Variants in TMEM130 observed in about 807,000 individuals in gnomAD.
The protein encoded by TMEM130 is transmembrane protein 130.
A neutral mutation model predicts 42.9 loss-of-function variants in TMEM130; 37 were observed. That is an observed-to-expected ratio of 0.86 (90% CI 0.66 to 1.13). TMEM130 has a LOEUF of 1.13. Among genes scored for constraint, TMEM130 ranks in the 50% most tolerant of loss-of-function variants. The probability of loss-of-function intolerance (pLI) is 0.00; values close to 1 mark genes in which losing one functional copy is unlikely to be tolerated. For synonymous variants in TMEM130, 259 were observed against 237.7 expected, an observed-to-expected ratio of 1.09 and a Z score of -0.82; for missense variants, 545 against 562.6, an observed-to-expected ratio of 0.97 and a Z score of 0.32.
rs1554399612 is a variant in TMEM130, at chr7:98,860,293, G to A, written c.437C>T (p.Pro146Leu). 1.2e-6 allele frequency: 2 copies of A among 1,612,468 alleles called. No individual in the cohort carries two copies. The highest frequency in any genetic ancestry group is 1.7e-6 in the Non-Finnish European group (2 of 1,179,080). Residue 146 changes from proline (P) to leucine (L), a missense_variant, in exon 3 of 8, where the codon CCC (proline) becomes CTC (leucine). Physicochemically the swap from Pro to Leu is moderately conservative, Grantham distance 98. Coordinates refer to ENST00000339375, the MANE Select transcript of TMEM130 (RefSeq NM_152913.3). ...DLVVTQNTSL[P>L]WPSSYLTKTV... ...CTTAGTGAGATAGGAGCTGGGCCAG[G>A]GTAGGGAAGTGTTCTGGGTGACAAC...
chr7:98,849,001 G>T (rs943046615), intron 6 of TMEM130, among the ~76,000 whole-genome samples: 1 of 152,124 alleles, frequency 6.6e-6, no homozygotes, highest in South Asian at 2.1e-4. Flanking sequence ...AGCTCCTAGT[G>T]TACAGCAGAT....
rs200706953 is a variant in TMEM130 at position 98,863,225 on chromosome 7, C to T, written c.261G>A (p.Lys87=). The T allele has an allele frequency of 6.2e-7, 1 of 1,614,144 alleles. No individual in the cohort carries two copies. Residue 87 remains lysine, a synonymous_variant, in exon 2 of 8, where the codon AAG becomes AAA. Transcript: ENST00000339375. ...TPLVLTGKME[K]GLSSTIRVVG... ...CCACACGGATGGTGGAGCTGAGACC[C>T]TTCTCCATCTTGCCAGTAAGCACCA...
intron 3 of TMEM130, among the ~76,000 whole-genome samples, chr7:98,856,915 TTTTA>T (rs2116094372): frequency 6.6e-6 from 1 of 152,216 alleles, no homozygotes; most frequent in African/African-American, 2.4e-5. Flanking sequence ...TCCCTTTTTT[TTTTA>T]TTTTTTATTT....
intron 6 of TMEM130, among the ~76,000 whole-genome samples, chr7:98,850,743 A>T (rs1439453990): frequency 2.6e-5 from 4 of 152,068 alleles, no homozygotes; most frequent in Non-Finnish European, 1.5e-5. Flanking sequence ...TCTCCCTGCA[A>T]GACTCACTAC....
intron 2 of TMEM130, among the ~76,000 whole-genome samples, chr7:98,861,928 A>G (rs996975830): frequency 6.6e-6 from 1 of 152,180 alleles, no homozygotes; most frequent in Non-Finnish European, 1.5e-5. Flanking sequence ...GGGTTAGACA[A>G]TTCTGTGCTT....
Position 98,848,576 on chromosome 7 carries a change from T to G in TMEM130, c.1119+7A>C. The G allele has an allele frequency of 2.5e-6, 4 of 1,591,274 alleles. No homozygotes were observed. The highest frequency in any genetic ancestry group is 3.5e-6 in the Non-Finnish European group (4 of 1,159,330). On this transcript the variant is annotated splice_region_variant and intron_variant, in intron 7 of 7. Transcript: ENST00000339375. ...GTAGTCCAGCCCCCACCCCACTGAG[T>G]ACCCACCTCCACCATGTCCTTTTGC...
chr7:98,863,501 A>G, intron 1 of TMEM130, 101 bp from the exon 2 acceptor site: 1 of 1,230,486 alleles, frequency 8.1e-7, no homozygotes, highest in Non-Finnish European at 1.1e-6. Context: ...TCCCAGGTGG[A>G]GAAACTGAGG....
chr7:98,869,773 T>C lies in TMEM130; in HGVS notation c.85+4A>G. 3 of 1,401,294 alleles carry C rather than the reference T, an allele frequency of 2.1e-6. No individual in the cohort carries two copies. The highest frequency in any genetic ancestry group is 1.5e-5 in the African/African-American group (1 of 66,586). 86.8% of individuals were successfully genotyped at this position (1,401,294 alleles called of 1,614,324 possible). A position where few individuals can be genotyped will look rare whatever the true frequency, so the allele number is the denominator to read the frequency against. ...CAGGGAGGCCGGATTGCCCAGCGCC[T>C]TACCTGCGGCCACCCCTGCCGGGGC... On this transcript the variant is annotated splice_donor_region_variant and intron_variant, in intron 1 of 7. Transcript: ENST00000339375. The surrounding 1 kb of genome is among the most constrained non-coding windows in gnomAD (Gnocchi z 4.7).
At chr7:98,862,925 T>C (rs2116122315) in intron 2 of TMEM130, among the ~76,000 whole-genome samples, 170 bp downstream of exon 2, 1 of 152,250 alleles carries the variant, frequency 6.6e-6, no homozygotes, top group South Asian at 2.1e-4. Flanking sequence ...GGGCAATCAC[T>C]GCCATTTTCA....
At chr7:98,855,943 A>G (rs1794621446) in intron 4 of TMEM130, 74 bp downstream of exon 4, 1 of 1,531,052 alleles carries the variant, frequency 6.5e-7, no homozygotes, top group Middle Eastern at 2.3e-4. Context: ...TCCAGCCCAG[A>G]GCCACTGTGA....
chr7:98,869,803 G>T lies in TMEM130; in HGVS notation c.59C>A (p.Pro20His). 6.9e-7 allele frequency: 1 copy of T among 1,442,932 alleles called. No individual in the cohort carries two copies. The allele number at this position is 1,442,932 out of a possible 1,614,324, so 89.4% of individuals were successfully genotyped here. Reference sequence around the variant, plus strand: ...TGCGGCCACCCCTGCCGGGGCCCAGGGCAGGAGGCAGGCAAGCCAGAGGAT... The same window carrying T: ...TGCGGCCACCCCTGCCGGGGCCCAGTGCAGGAGGCAGGCAAGCCAGAGGAT... The part of the protein sequence containing the change: ...GRILWLACLL[P>H]WAPAGVAAGL... Residue 20 changes from proline to histidine, a missense_variant, in exon 1 of 8, where the codon CCC becomes CAC. Pro to His is a moderately conservative substitution (Grantham distance 77). Coordinates refer to ENST00000339375, the MANE Select transcript of TMEM130 (RefSeq NM_152913.3). The surrounding 1 kb of genome is among the most constrained non-coding windows in gnomAD (Gnocchi z 4.7).
chr7:98,860,120 G>A (rs1012581632), intron 3 of TMEM130, 59 bp downstream of exon 3: 1 of 1,541,194 alleles, frequency 6.5e-7, no homozygotes, highest in Non-Finnish European at 8.8e-7. Context: ...CCTGCACAGT[G>A]CGCGGGACAG....
At chr7:98,864,812 A>T (rs1271965295) in intron 1 of TMEM130, among the ~76,000 whole-genome samples, 2 of 152,188 alleles carry the variant, frequency 1.3e-5, no homozygotes, top group African/African-American at 4.8e-5. Context: ...AGGCAGGGGA[A>T]TCGCTGGAAC....
At chr7:98,860,363 G>A in intron 2 of TMEM130, 25 bp from the exon 3 acceptor site, 1 of 1,569,276 alleles carries the variant, frequency 6.4e-7, no homozygotes, top group Non-Finnish European at 8.7e-7. Context: ...GACACGGGAG[G>A]GTGAGTCTTG....
chr7:98,855,453 CT>C (rs1794608337), intron 4 of TMEM130, 129 bp from the exon 5 acceptor site: 2 of 801,582 alleles, frequency 2.5e-6, no homozygotes, highest in African/African-American at 3.5e-5. Flanking sequence ...GGCCACAGGT[CT>C]GTGCGGGGTT....
intron 2 of TMEM130, among the ~76,000 whole-genome samples, chr7:98,861,377 G>A (rs1237673175): frequency 1.3e-5 from 2 of 151,704 alleles, no homozygotes; most frequent in African/African-American, 2.4e-5. Flanking sequence ...ACTGATCACA[G>A]CTTCACACGT....
At chr7:98,850,403 G>A (rs1250169701) in intron 6 of TMEM130, among the ~76,000 whole-genome samples, 4 of 150,152 alleles carry the variant, frequency 2.7e-5, no homozygotes, top group African/African-American at 9.8e-5. Context: ...TCCACCTCCT[G>A]CGTAGCTGGG....
chr7:98,855,175 G>T (rs1193883519), intron 5 of TMEM130, 65 bp downstream of exon 5: 5 of 1,440,702 alleles, frequency 3.5e-6, no homozygotes, highest in Non-Finnish European at 4.8e-6. Flanking sequence ...CAGACTTGGG[G>T]TCATCGTGAA....
rs770804964 is a variant in TMEM130 at position 98,869,410 on chromosome 7, G to C, written c.85+367C>G. 4 of 1,200,942 alleles carry C rather than the reference G, an allele frequency of 3.3e-6. No homozygotes were observed. The highest frequency in any genetic ancestry group is 4.2e-6 in the Non-Finnish European group (4 of 954,294). 74.4% of individuals were successfully genotyped at this position (1,200,942 alleles called of 1,614,324 possible). A position where few individuals can be genotyped will look rare whatever the true frequency, so the allele number is the denominator to read the frequency against. On this transcript the variant is annotated intron_variant, in intron 1 of 7. Coordinates refer to ENST00000339375, the MANE Select transcript of TMEM130 (RefSeq NM_152913.3). This position sits in a 1 kb window ranked among gnomAD's most constrained non-coding sequence, Gnocchi z 4.7. ...GACTGGGGAATTGTGGCGCGATGAC[G>C]GACCCTGGCGCATCCCCGCCTCCCT... is the stretch of plus-strand genomic sequence containing the variant.
Sources: allele counts gnomAD v4.1 joint callset (sites outside exome capture counted in the v4.1 genomes callset), GRCh38; gene constraint gnomAD v4.1.1; non-coding constraint Gnocchi (gnomAD v3.1); transcripts MANE v1.5; gene names NCBI Gene and HGNC (gene_info 2026-07-23, HGNC 2026-07-21).